The following PTPRO variants were observed in gnomAD, a reference collection of about 807,000 sequenced individuals.
PTPRO encodes protein tyrosine phosphatase receptor type O.
A neutral mutation model predicts 145.2 loss-of-function variants in PTPRO; 62 were observed. The observed-to-expected ratio is 0.43, with a 90% confidence interval of 0.35 to 0.53. The LOEUF (loss-of-function observed/expected upper bound fraction) is 0.53. Among genes scored for constraint, PTPRO ranks in the 20% least tolerant of loss-of-function variants. The pLI, the probability that PTPRO is intolerant of heterozygous loss-of-function variation, is 0.01. For synonymous variants in PTPRO, 565 were observed against 514.7 expected, an observed-to-expected ratio of 1.10 and a Z score of -1.32; for missense variants, 1,345 against 1,482.7, an observed-to-expected ratio of 0.91 and a Z score of 1.53.
chr12:15,507,646 C>G (rs747344183), intron 6 of PTPRO, among the ~76,000 whole-genome samples: 1 of 152,094 alleles, frequency 6.6e-6, no homozygotes, highest in Non-Finnish European at 1.5e-5. Flanking sequence ...CAGGAACAAA[C>G]CTATAAATAT....
chr12:15,567,476 T>G (rs1017824533), intron 18 of PTPRO, among the ~76,000 whole-genome samples: 1 of 152,100 alleles, frequency 6.6e-6, no homozygotes, highest in African/African-American at 2.4e-5. Flanking sequence ...TTCTCCCTTA[T>G]GTCCATTCTT....
intron 6 of PTPRO, among the ~76,000 whole-genome samples, chr12:15,504,642 C>T (rs955314709): frequency 1.3e-5 from 2 of 152,118 alleles, no homozygotes; most frequent in Non-Finnish European, 2.9e-5. Context: ...ACAAACAGTG[C>T]CTGCCTCTAT....
intron 12 of PTPRO, among the ~76,000 whole-genome samples, chr12:15,536,658 A>G (rs571981424): frequency 6.6e-6 from 1 of 152,298 alleles, no homozygotes; most frequent in Admixed American, 6.5e-5. Context: ...GTGATAATAG[A>G]TTGTTCAGGG....
At chr12:15,562,427 G>T (rs895624564) in intron 17 of PTPRO, among the ~76,000 whole-genome samples, 1 of 152,250 alleles carries the variant, frequency 6.6e-6, no homozygotes, top group East Asian at 1.9e-4. Flanking sequence ...GACGCACACT[G>T]CCTAACACAC....
At chr12:15,453,244 G>A (rs1941092435) in intron 1 of PTPRO, among the ~76,000 whole-genome samples, 1 of 151,994 alleles carries the variant, frequency 6.6e-6, no homozygotes, top group Non-Finnish European at 1.5e-5. Context: ...ACTATCCTCA[G>A]CCTTCCAAAA....
intron 25 of PTPRO, among the ~76,000 whole-genome samples, chr12:15,592,243 C>T (rs865893122): frequency 4.5e-4 from 69 of 152,274 alleles, no homozygotes; most frequent in Non-Finnish European, 3.5e-4. Flanking sequence ...TGCCAGGTCA[C>T]AAAAGTTAAC....
At chr12:15,531,205 A>G (rs1426651543) in intron 12 of PTPRO, among the ~76,000 whole-genome samples, 1 of 152,160 alleles carries the variant, frequency 6.6e-6, no homozygotes, top group Non-Finnish European at 1.5e-5. Context: ...CAGTGAGATG[A>G]AAGTCATAAT....
At position 15,443,542 on chromosome 12, in the gene PTPRO, A is replaced by G. The variant is rs146202889; in HGVS notation, c.76-40432A>G. On this transcript the variant is annotated intron_variant, in intron 1 of 26. Coordinates refer to ENST00000281171, the MANE Select transcript of PTPRO (RefSeq NM_030667.3). ...GAGCTTCTGCACACCGAAAGAAACT[A>G]TCAACAGAGTAAACAGACAACCTAA... 2.6e-5 allele frequency among the ~76,000 whole-genome samples: 4 copies of G among 152,316 alleles called. No homozygotes were observed. The East Asian group carries it at 5.8e-4, about 22-fold the overall frequency.
intron 19 of PTPRO, among the ~76,000 whole-genome samples, chr12:15,571,651 A>G (rs905889718): frequency 3.3e-5 from 5 of 152,154 alleles, no homozygotes; most frequent in Non-Finnish European, 1.5e-5. Flanking sequence ...TTTTGTTTCC[A>G]TGGTTTCCAA....
chr12:15,594,581 G>C (rs1156440142), intron 25 of PTPRO, among the ~76,000 whole-genome samples: 1 of 151,298 alleles, frequency 6.6e-6, no homozygotes, highest in Non-Finnish European at 1.5e-5. Flanking sequence ...ATATAATCTG[G>C]GGTGATGAAT....
At chr12:15,508,810 A>C (rs374266296) in intron 7 of PTPRO, 43 bp downstream of exon 7, 2 of 1,591,726 alleles carry the variant, frequency 1.3e-6, no homozygotes, top group Non-Finnish European at 1.7e-6. Context: ...GTCCTTCCTA[A>C]GCACAACCTT....
chr12:15,381,750 T>C (rs1350541316), intron 1 of PTPRO, among the ~76,000 whole-genome samples: 1 of 152,306 alleles, frequency 6.6e-6, no homozygotes, highest in Non-Finnish European at 1.5e-5. Flanking sequence ...GTAGATTTAA[T>C]GTGTTTAATT....
intron 7 of PTPRO, among the ~76,000 whole-genome samples, chr12:15,515,237 G>T (rs1942551919): frequency 6.6e-6 from 1 of 152,138 alleles, no homozygotes; most frequent in Admixed American, 6.5e-5. Context: ...TCTCTAGTGT[G>T]CATAGTTATA....
At chr12:15,492,673 A>G (rs1214091881) in intron 2 of PTPRO, among the ~76,000 whole-genome samples, 2 of 152,200 alleles carry the variant, frequency 1.3e-5, no homozygotes, top group Non-Finnish European at 2.9e-5. Context: ...AATTAATTTG[A>G]TTGATTAAAT....
chr12:15,424,404 G>T (rs933917638), intron 1 of PTPRO, among the ~76,000 whole-genome samples: 3 of 151,986 alleles, frequency 2.0e-5, no homozygotes, highest in African/African-American at 7.3e-5. Flanking sequence ...TCAATTTGTA[G>T]TTATCCATGA....
At chr12:15,565,708 C>G in intron 18 of PTPRO, 80 bp downstream of exon 18, 1 of 1,059,704 alleles carries the variant, frequency 9.4e-7, no homozygotes, top group Non-Finnish European at 1.4e-6. Flanking sequence ...TGCTTGTCTT[C>G]AAAGAGAAGG....
At chr12:15,378,089 A>T (rs924645528) in intron 1 of PTPRO, among the ~76,000 whole-genome samples, 2 of 152,062 alleles carry the variant, frequency 1.3e-5, no homozygotes, top group Non-Finnish European at 2.9e-5. Context: ...AGAACCTAGA[A>T]AAAGGAGAGC....
intron 10 of PTPRO, 33 bp downstream of exon 10, chr12:15,520,345 A>T: frequency 6.7e-7 from 1 of 1,502,454 alleles, no homozygotes; most frequent in Non-Finnish European, 9.3e-7. Flanking sequence ...TTCCACAAGG[A>T]GAGAGCATTA....
intron 3 of PTPRO, among the ~76,000 whole-genome samples, chr12:15,499,215 T>C (rs1424189370): frequency 6.6e-6 from 1 of 152,224 alleles, no homozygotes; most frequent in Non-Finnish European, 1.5e-5. Flanking sequence ...TTAACTCCAA[T>C]TGTGTTTGAT....
Sources: allele counts gnomAD v4.1 joint callset (sites outside exome capture counted in the v4.1 genomes callset), GRCh38; gene constraint gnomAD v4.1.1; transcripts MANE v1.5; gene names NCBI Gene and HGNC (gene_info 2026-07-23, HGNC 2026-07-21).